Variants in NALF1 observed in about 807,000 individuals in gnomAD.
NALF1 encodes the protein family with sequence similarity 155 member A.
Under a neutral mutation model 48.4 loss-of-function variants are expected in NALF1, and 3 were observed. The observed-to-expected ratio is 0.06, with a 90% CI of 0.03 to 0.16. NALF1 has a LOEUF of 0.16. Among genes scored for constraint, NALF1 ranks in the 10% least tolerant of loss-of-function variants. The probability of loss-of-function intolerance (pLI) is 1.00; values close to 1 mark genes in which losing one functional copy is unlikely to be tolerated. For synonymous variants in NALF1, 262 were observed against 245.7 expected (o/e 1.07, Z -0.62); for missense variants, 526 against 571.5 (o/e 0.92, Z 0.81).
At chr13:107,787,903 T>C (rs991327801) in intron 1 of NALF1, among the ~76,000 whole-genome samples, 1 of 152,220 alleles carries the variant, frequency 6.6e-6, no homozygotes, top group Non-Finnish European at 1.5e-5. Context: ...TCATTCATTG[T>C]TAGGAATTGA....
chr13:107,642,051 G>A (rs556735680), intron 1 of NALF1, among the ~76,000 whole-genome samples: 1 of 152,282 alleles, frequency 6.6e-6, no homozygotes, highest in African/African-American at 2.4e-5. Flanking sequence ...CCTCAGACCA[G>A]CAGCATCAAC....
At chr13:107,602,558 A>G (rs1414949491) in intron 1 of NALF1, among the ~76,000 whole-genome samples, 1 of 152,230 alleles carries the variant, frequency 6.6e-6, no homozygotes, top group Admixed American at 6.5e-5. Context: ...GCAGGTATTT[A>G]TATCATGGTG....
At position 107,567,506 on chromosome 13, in the gene NALF1, TAGA is replaced by T. The variant is rs1464934458; in HGVS notation, c.915+298173_915+298175del. Among the ~76,000 whole-genome samples, 11 of 152,234 alleles carry T rather than the reference TAGA, an allele frequency of 7.2e-5. No individual in the cohort carries two copies. In the South Asian group the frequency reaches 1.7e-3, roughly 23 times the overall value. On this transcript the variant is annotated intron_variant, in intron 1 of 2. Transcript: ENST00000375915. The stretch of plus-strand genomic sequence containing the variant: ...TCACTTTGAAATAAATACAGATTCA[TAGA>T]AGGTTACAGATGACTACTCAGAGAA...
intron 1 of NALF1, among the ~76,000 whole-genome samples, chr13:107,610,848 T>A (rs1262193109): frequency 6.6e-6 from 1 of 152,156 alleles, no homozygotes; most frequent in Non-Finnish European, 1.5e-5. Flanking sequence ...GAGGTTTCCT[T>A]TTCATCAGTG....
Position 107,480,770 on chromosome 13 carries a change from A to G in NALF1, c.916-270015T>C, listed in dbSNP as rs137987174. ...TTATTTTTTATTCTAGTCTAAAATGAAACATTGTAGAACACAGATAAAGTT... is the reference window on the plus strand; with the variant it reads ...TTATTTTTTATTCTAGTCTAAAATGGAACATTGTAGAACACAGATAAAGTT... On this transcript the variant is annotated intron_variant, in intron 1 of 2. Coordinates refer to ENST00000375915, the MANE Select transcript of NALF1 (RefSeq NM_001080396.3). 3.0e-3 allele frequency among the ~76,000 whole-genome samples: 462 copies of G among 152,324 alleles called. 7 individuals carry two copies. The highest frequency in any genetic ancestry group is 0.011 in the African/African-American group (451 of 41,584).
At chr13:107,305,168 ACACT>A (rs1461082991) in intron 1 of NALF1, among the ~76,000 whole-genome samples, 1 of 152,194 alleles carries the variant, frequency 6.6e-6, no homozygotes, top group Non-Finnish European at 1.5e-5. Flanking sequence ...AGAGTTACAG[ACACT>A]CACAACATCT....
At chr13:107,788,777 CCTTT>C (rs1878146763) in intron 1 of NALF1, 1 of 149,714 alleles carries the variant, frequency 6.7e-6, no homozygotes, top group South Asian at 2.1e-4. Flanking sequence ...TTGATTGTAT[CCTTT>C]TTTTAAAAAA....
In NALF1 at chr13:107,412,944, C is replaced by T. The variant is rs1449343146; in HGVS notation, c.916-202189G>A. 2.0e-5 allele frequency among the ~76,000 whole-genome samples: 3 copies of T among 151,972 alleles called. No individual in the cohort carries two copies. The East Asian group carries it at 5.8e-4, about 29-fold the overall frequency. ...GGTAGAGTATTGCCTTGTTTTACAGCAAAAGTACCATATTTTATCAGGAAA... is the reference window on the plus strand; with the variant it reads ...GGTAGAGTATTGCCTTGTTTTACAGTAAAAGTACCATATTTTATCAGGAAA... On this transcript the variant is annotated intron_variant, in intron 1 of 2. Coordinates refer to ENST00000375915, the MANE Select transcript of NALF1 (RefSeq NM_001080396.3).
chr13:107,714,709 C>T (rs1038891761), intron 1 of NALF1, among the ~76,000 whole-genome samples: 2 of 150,702 alleles, frequency 1.3e-5, no homozygotes, highest in African/African-American at 2.4e-5. Context: ...TCTGTTTTGA[C>T]ACTTAAGAGT....
At chr13:107,201,135 T>C (rs1248799687) in intron 2 of NALF1, among the ~76,000 whole-genome samples, 1 of 151,838 alleles carries the variant, frequency 6.6e-6, no homozygotes, top group African/African-American at 2.4e-5. Flanking sequence ...GATATGTGCA[T>C]GTACGTTGAT....
intron 1 of NALF1, among the ~76,000 whole-genome samples, chr13:107,476,347 G>A (rs1450247263): frequency 1.3e-5 from 2 of 152,050 alleles, no homozygotes; most frequent in South Asian, 2.1e-4. Context: ...TAGAATTTCT[G>A]ATTTCCCTTA....
intron 1 of NALF1, among the ~76,000 whole-genome samples, chr13:107,272,530 G>A (rs1314546433): frequency 6.6e-6 from 1 of 151,972 alleles, no homozygotes; most frequent in East Asian, 1.9e-4. Context: ...TTTTTAAAAA[G>A]GGAAATTCAT....
At chr13:107,570,634 T>A (rs1034832063) in intron 1 of NALF1, among the ~76,000 whole-genome samples, 5 of 150,982 alleles carry the variant, frequency 3.3e-5, no homozygotes, top group Non-Finnish European at 5.9e-5. Context: ...AATGTGCAGG[T>A]TAGTTACATA....
chr13:107,341,285 G>A (rs1882675577), intron 1 of NALF1, among the ~76,000 whole-genome samples: 1 of 152,090 alleles, frequency 6.6e-6, no homozygotes, highest in African/African-American at 2.4e-5. Flanking sequence ...TTTTTGGTAT[G>A]TTTGAAAACA....
At chr13:107,670,695 G>A (rs1410400629) in intron 1 of NALF1, among the ~76,000 whole-genome samples, 1 of 152,066 alleles carries the variant, frequency 6.6e-6, no homozygotes, top group Non-Finnish European at 1.5e-5. Flanking sequence ...AACCACTGAT[G>A]GTATTCCTTG....
chr13:107,728,910 C>T (rs920228819), intron 1 of NALF1, among the ~76,000 whole-genome samples: 13 of 152,026 alleles, frequency 8.6e-5, no homozygotes, highest in South Asian at 2.1e-4. Context: ...CTAGCTACAA[C>T]GAGAGAGAAA....
chr13:107,782,544 T>C (rs1423906422), intron 1 of NALF1, among the ~76,000 whole-genome samples: 2 of 150,028 alleles, frequency 1.3e-5, no homozygotes, highest in Admixed American at 1.3e-4. Flanking sequence ...CCCCTCTGCC[T>C]GGCTGCCCAG....
intron 1 of NALF1, among the ~76,000 whole-genome samples, chr13:107,563,393 G>C (rs1347936265): frequency 6.6e-6 from 1 of 152,170 alleles, no homozygotes; most frequent in Non-Finnish European, 1.5e-5. Context: ...CATCATTAGA[G>C]AGCTCCTCAG....
chr13:107,554,524 C>T (rs1018940331), intron 1 of NALF1, among the ~76,000 whole-genome samples: 1 of 152,144 alleles, frequency 6.6e-6, no homozygotes, highest in African/African-American at 2.4e-5. Flanking sequence ...ACCTGTGCAG[C>T]CCGGGGACCC....
Sources: allele counts gnomAD v4.1 joint callset (sites outside exome capture counted in the v4.1 genomes callset), GRCh38; gene constraint gnomAD v4.1.1; transcripts MANE v1.5; gene names NCBI Gene and HGNC (gene_info 2026-07-23, HGNC 2026-07-21).